SHROOM2: variants seen among roughly 807,000 people sequenced by gnomAD.
SHROOM2 encodes protein Shroom2.
SHROOM2 carries 33 observed loss-of-function variants against 75.9 expected under a neutral mutation model. The ratio of observed to expected loss-of-function variants is 0.43; its 90% CI spans 0.33 to 0.58. The LOEUF is 0.58. SHROOM2 is among the 20% of genes least tolerant of loss of function. The pLI is 0.04. For synonymous variants in SHROOM2, 655 were observed against 663.6 expected (o/e 0.99, Z 0.20); for missense variants, 1,434 against 1,461.2 (o/e 0.98, Z 0.30).
chrX:9,877,747 C>G (rs941148347), intron 2 of SHROOM2, among the ~76,000 whole-genome samples: 1 of 108,879 alleles, frequency 9.2e-6, no homozygotes, highest in East Asian at 3.0e-4. Context: ...GGCCAGAAAC[C>G]GGGTGACCCT....
chrX:9,870,894 A>G (rs1001573639), intron 1 of SHROOM2, among the ~76,000 whole-genome samples: 1 of 112,549 alleles, frequency 8.9e-6, no homozygotes. Flanking sequence ...CAGGTAAGCT[A>G]TGTTATCCAT....
chrX:9,946,633 C>T, intron 9 of SHROOM2, 38 bp from the exon 10 acceptor site: 2 of 1,182,576 alleles, frequency 1.7e-6, no homozygotes, highest in Non-Finnish European at 2.3e-6. Context: ...CCCCAGCTTT[C>T]ATCCTGGTCC....
intron 1 of SHROOM2, among the ~76,000 whole-genome samples, chrX:9,859,172 G>A (rs1385273349): frequency 3.6e-5 from 4 of 112,165 alleles, no homozygotes; most frequent in East Asian, 5.6e-4. Context: ...CTGAGATTGC[G>A]CCACTGTACT....
At chrX:9,918,576 A>AC (rs2084511958) in intron 5 of SHROOM2, among the ~76,000 whole-genome samples, 1 of 111,515 alleles carries the variant, frequency 9.0e-6, no homozygotes, top group South Asian at 3.8e-4. Context: ...CAAACTCCCA[A>AC]ACTCCTAGGC....
At chrX:9,881,881 G>A (rs1393967202) in intron 2 of SHROOM2, among the ~76,000 whole-genome samples, 2 of 112,274 alleles carry the variant, frequency 1.8e-5, no homozygotes, top group Non-Finnish European at 3.8e-5. Context: ...TTTCTATGAA[G>A]AGTATCTTCT....
At chrX:9,909,428 G>A (rs902904757) in intron 5 of SHROOM2, among the ~76,000 whole-genome samples, 1 of 112,599 alleles carries the variant, frequency 8.9e-6, no homozygotes, top group African/African-American at 3.2e-5. Context: ...TAGCTCCCCC[G>A]CTCCCCGCTC....
At chrX:9,819,732 CT>C (rs1434093111) in intron 1 of SHROOM2, among the ~76,000 whole-genome samples, 1 of 110,638 alleles carries the variant, frequency 9.0e-6, no homozygotes, top group Non-Finnish European at 1.9e-5. Context: ...GTCCTTCATG[CT>C]TCCCTGTCAC....
At chrX:9,881,707 AT>A (rs1362244133) in intron 2 of SHROOM2, among the ~76,000 whole-genome samples, 1 of 112,436 alleles carries the variant, frequency 8.9e-6, no homozygotes, top group Non-Finnish European at 1.9e-5. Context: ...ATTCAGAGGA[AT>A]TCGTGGACCT....
intron 1 of SHROOM2, among the ~76,000 whole-genome samples, chrX:9,792,854 C>T (rs1569133645): frequency 9.1e-6 from 1 of 109,390 alleles, no homozygotes; most frequent in Non-Finnish European, 1.9e-5. Context: ...GCGTTACAGG[C>T]GCACACCACC....
In SHROOM2 at chrX:9,932,266, C is replaced by A; in HGVS notation, c.2983C>A (p.Leu995Ile). ...KAPNPPTFSELSHCRGAPELP... is the reference protein window; with the variant it reads ...KAPNPPTFSEISHCRGAPELP... ...ACCGAACCCACCCACATTCTCTGAA[C>A]TATCTCACTGCCGGGGAGCCCCAGA... Residue 995 changes from leucine (L) to isoleucine (I), a missense_variant, in exon 6 of 10, where the codon CTA becomes ATA. Leu to Ile is a conservative substitution (Grantham distance 5). This residue lies in a region of SHROOM2 where 1,340 missense variants were observed against 1,338.3 expected (regional missense o/e 1.00). Transcript: ENST00000380913. 8.4e-7 allele frequency: 1 copy of A among 1,197,390 alleles called. No individual in the cohort carries two copies. Among genetic ancestry groups the A allele is most frequent in the Non-Finnish European group, 1.1e-6 (1 of 887,223 alleles).
At chrX:9,923,085 T>G (rs1310732194) in intron 5 of SHROOM2, among the ~76,000 whole-genome samples, 2 of 111,842 alleles carry the variant, frequency 1.8e-5, no homozygotes, top group Non-Finnish European at 3.8e-5. Context: ...ATGGGAAGAC[T>G]TTTTACATGT....
At chrX:9,943,753 T>C (rs1389570657) in intron 8 of SHROOM2, among the ~76,000 whole-genome samples, 1 of 112,733 alleles carries the variant, frequency 8.9e-6, no homozygotes, top group Non-Finnish European at 1.9e-5. Context: ...GTTTGCATTT[T>C]GGTCAAGTTG....
At chrX:9,908,944 A>AAAATAAAATAAATAAAT (rs1555936918) in intron 5 of SHROOM2, among the ~76,000 whole-genome samples, 1 of 102,959 alleles carries the variant, frequency 9.7e-6, no homozygotes, top group Non-Finnish European at 2.0e-5. Context: ...CCCTCTCTCA[A>AAAATAAAATAAATAAAT]AAATAAATAA....
intron 1 of SHROOM2, among the ~76,000 whole-genome samples, chrX:9,815,891 T>C (rs1217054572): frequency 8.9e-6 from 1 of 111,794 alleles, no homozygotes; most frequent in Non-Finnish European, 1.9e-5. Flanking sequence ...CTGACTCAAA[T>C]GTAATCTCTT....
chrX:9,837,673 C>T (rs759070418), intron 1 of SHROOM2, among the ~76,000 whole-genome samples: 167 of 112,171 alleles, frequency 1.5e-3, no homozygotes, highest in Non-Finnish European at 2.4e-3. Flanking sequence ...CACCAGGTGG[C>T]CAGACTGTGT....
chrX:9,851,819 T>G (rs1480116269), intron 1 of SHROOM2, among the ~76,000 whole-genome samples: 1 of 110,973 alleles, frequency 9.0e-6, no homozygotes, highest in Admixed American at 9.7e-5. Flanking sequence ...ATTGCCCCTT[T>G]TAACTTCTCT....
chrX:9,878,660 C>T (rs1355394345), intron 2 of SHROOM2, among the ~76,000 whole-genome samples: 1 of 111,646 alleles, frequency 9.0e-6, no homozygotes, highest in South Asian at 3.7e-4. Context: ...ACAGATGTTC[C>T]GGGAGCTGCT....
chrX:9,830,300 G>A (rs1042366511), intron 1 of SHROOM2, among the ~76,000 whole-genome samples: 5 of 111,797 alleles, frequency 4.5e-5, no homozygotes, highest in African/African-American at 1.6e-4. Context: ...GGTTCTATGA[G>A]TTTAACTGCT....
At chrX:9,809,865 G>A (rs1173087090) in intron 1 of SHROOM2, among the ~76,000 whole-genome samples, 5 of 111,359 alleles carry the variant, frequency 4.5e-5, no homozygotes, top group African/African-American at 1.3e-4. Context: ...TAGTAGAGAC[G>A]GGGTTTCACC....
Sources: allele counts gnomAD v4.1 joint callset (sites outside exome capture counted in the v4.1 genomes callset), GRCh38; gene constraint gnomAD v4.1.1; regional missense constraint gnomAD v4.1.1; transcripts MANE v1.5; gene names NCBI Gene and HGNC (gene_info 2026-07-23, HGNC 2026-07-21).